KISS1: variants seen among roughly 807,000 people sequenced by gnomAD.
KISS1 encodes the protein KiSS-1 metastasis suppressor.
For synonymous variants in KISS1, 97 were observed against 88.7 expected, an observed-to-expected ratio of 1.09 and a Z score of -0.52; for missense variants, 182 against 182.7, an observed-to-expected ratio of 1.00 and a Z score of 0.02.
chr1:204,195,207 A>ACACC (rs1658818021), intron 1 of KISS1, among the ~76,000 whole-genome samples: 1 of 150,100 alleles, frequency 6.7e-6, no homozygotes, highest in African/African-American at 2.5e-5. Flanking sequence ...CCACACACAT[A>ACACC]TATACGCACA....
intron 1 of KISS1, among the ~76,000 whole-genome samples, chr1:204,193,566 C>T (rs78717544): frequency 6.6e-6 from 1 of 152,162 alleles, no homozygotes; most frequent in Non-Finnish European, 1.5e-5. Context: ...TCATCTTGCT[C>T]TCTCTCATAG....
Position 204,190,409 on chromosome 1 carries a change from T to TTGGGCCCCCCCCCCCCCCCCC in KISS1, c.*74_*75insGGGGGGGGGGGGGGGGGCCCA. 1 of 570,142 alleles carries TTGGGCCCCCCCCCCCCCCCCC rather than the reference T, an allele frequency of 1.8e-6. No individual in the cohort carries two copies. 35.3% of individuals were successfully genotyped at this position (570,142 alleles called of 1,614,324 possible). ...CAGCGCCCCCTCCCTTAGCCCTACGTCCCCGCCCCCCGCCCCCGCCCCGCA... is the reference window on the plus strand; with the variant it reads ...CAGCGCCCCCTCCCTTAGCCCTACGTTGGGCCCCCCCCCCCCCCCCCCCCCGCCCCCCGCCCCCGCCCCGCA... On this transcript the variant is annotated 3_prime_UTR_variant, in exon 3 of 3. Coordinates refer to ENST00000367194, the MANE Select transcript of KISS1 (RefSeq NM_002256.4).
chr1:204,192,496 G>A lies in KISS1; in HGVS notation c.103+278C>T, dbSNP rs1486845504. Among the ~76,000 whole-genome samples, 2 of 151,910 alleles carry A rather than the reference G, an allele frequency of 1.3e-5. No individual in the cohort carries two copies. Among genetic ancestry groups the A allele is most frequent in the African/African-American group, 2.4e-5 (1 of 41,328 alleles). ...ACATCGGCACAGAGAGGTTGCTGAC[G>A]TAGAGCAGAGAACACAGTGTGAGGA... On this transcript the variant is annotated intron_variant, in intron 2 of 2. Coordinates refer to ENST00000367194, the MANE Select transcript of KISS1 (RefSeq NM_002256.4). The surrounding 1 kb of genome is among the most constrained non-coding windows in gnomAD (Gnocchi z 4.2).
intron 1 of KISS1, among the ~76,000 whole-genome samples, chr1:204,193,997 G>C (rs533061221): frequency 6.6e-6 from 1 of 152,304 alleles, no homozygotes; most frequent in Admixed American, 6.5e-5. Flanking sequence ...CCCTGGGGAA[G>C]GGGGACTGGG....
intron 1 of KISS1, among the ~76,000 whole-genome samples, chr1:204,193,474 C>T (rs1253042576): frequency 1.3e-5 from 2 of 152,128 alleles, no homozygotes; most frequent in African/African-American, 4.8e-5. Context: ...CATCCATACG[C>T]TTGAGTCTGA....
chr1:204,190,624 G>C lies in KISS1; in HGVS notation c.277C>G (p.Gln93Glu). ...QPGLSAPHSR[Q>E]IPAPQGAVLV... ...ACCGCGCCCTGGGGTGCGGGGATCT[G>C]GCGGCTGTGGGGGGCGGACAGGCCC... The change falls in exon 3 of 3, where the codon CAG becomes GAG. Residue 93 changes from glutamine (Q) to glutamate (E), a missense_variant. Gln to Glu is a conservative substitution (Grantham distance 29). Coordinates refer to ENST00000367194, the MANE Select transcript of KISS1 (RefSeq NM_002256.4). 6.3e-7 allele frequency: 1 copy of C among 1,585,704 alleles called. No individual in the cohort carries two copies. The highest frequency in any genetic ancestry group is 1.1e-5 in the South Asian group (1 of 87,580).
In KISS1 at chr1:204,190,431, C is replaced by CCCCCCA; in HGVS notation, c.*52_*53insTGGGGG. The CCCCCCA allele has an allele frequency of 2.7e-6, 3 of 1,130,800 alleles. No homozygotes were observed. The highest frequency in any genetic ancestry group is 1.3e-5 in the South Asian group (1 of 76,146). The allele number at this position is 1,130,800 out of a possible 1,614,324, so 70.0% of individuals were successfully genotyped here. A position where few individuals can be genotyped will look rare whatever the true frequency, so the allele number is the denominator to read the frequency against. On this transcript the variant is annotated 3_prime_UTR_variant, in exon 3 of 3. Transcript: ENST00000367194. ...ACGTCCCCGCCCCCCGCCCCCGCCC[C>CCCCCCA]GCATGCTCTGACTCCTTTGGGGTCT...
Position 204,190,409 on chromosome 1 carries a change from TCCC to T in KISS1, c.*72_*74del, listed in dbSNP as rs1553307861. 4.0e-5 allele frequency: 23 copies of T among 573,164 alleles called. No homozygotes were observed. The highest frequency in any genetic ancestry group is 9.6e-5 in the South Asian group (6 of 62,618). The allele number at this position is 573,164 out of a possible 1,614,324, so 35.5% of individuals were successfully genotyped here. A position where few individuals can be genotyped will look rare whatever the true frequency, so the allele number is the denominator to read the frequency against. ...CAGCGCCCCCTCCCTTAGCCCTACG[TCCC>T]CGCCCCCCGCCCCCGCCCCGCATGC... is the stretch of plus-strand genomic sequence containing the variant. On this transcript the variant is annotated 3_prime_UTR_variant, in exon 3 of 3. Transcript: ENST00000367194.
rs147720365 is a variant in KISS1, at chr1:204,191,774, C to G, written c.104-977G>C. On this transcript the variant is annotated intron_variant, in intron 2 of 2. Coordinates refer to ENST00000367194, the MANE Select transcript of KISS1 (RefSeq NM_002256.4). ...CCCTCAGCCCTTGCCCAGGGCCTGGCTGAGGTAGGAGGAGGATGGCTTCCT... is the reference window on the plus strand; with the variant it reads ...CCCTCAGCCCTTGCCCAGGGCCTGGGTGAGGTAGGAGGAGGATGGCTTCCT... Among the ~76,000 whole-genome samples, 320 of 152,334 alleles carry G rather than the reference C, an allele frequency of 2.1e-3. 5 individuals are homozygous for G. Among genetic ancestry groups the G allele is most frequent in the African/African-American group, 7.3e-3 (304 of 41,578 alleles).
chr1:204,196,309 C>G (rs1260763401), intron 1 of KISS1, 67 bp downstream of exon 1: 1 of 152,420 alleles, frequency 6.6e-6, no homozygotes, highest in Non-Finnish European at 1.5e-5. Flanking sequence ...ATTCCCTGCT[C>G]CCCTCCAGAG....
At chr1:204,193,320 AG>A (rs1471827225) in intron 1 of KISS1, among the ~76,000 whole-genome samples, 1 of 151,974 alleles carries the variant, frequency 6.6e-6, no homozygotes, top group Non-Finnish European at 1.5e-5. Context: ...GTGACTGGGG[AG>A]GGGTGAAGTA....
intron 1 of KISS1, among the ~76,000 whole-genome samples, chr1:204,193,981 C>T (rs1658793228): frequency 6.6e-6 from 1 of 152,194 alleles, no homozygotes; most frequent in Non-Finnish European, 1.5e-5. Context: ...AGCCTGGAGC[C>T]GCTCTCCCTG....
At chr1:204,195,715 TCACACACACACACACA>T (rs36226771) in intron 1 of KISS1, among the ~76,000 whole-genome samples, 17 of 144,936 alleles carry the variant, frequency 1.2e-4, no homozygotes, top group East Asian at 4.2e-4. Context: ...TACACACATA[TCACACACACACACACA>T]CACACACACA....
intron 1 of KISS1, 97 bp from the exon 2 acceptor site, chr1:204,193,011 G>C (rs1558253985): frequency 1.4e-6 from 1 of 710,070 alleles, no homozygotes; most frequent in East Asian, 2.7e-5. Context: ...TCCTCCAAGA[G>C]AGGGGCAAGT....
Position 204,192,714 on chromosome 1 carries a change from A to G in KISS1, c.103+60T>C, listed in dbSNP as rs1658765688. 4 of 1,008,778 alleles carry G rather than the reference A, an allele frequency of 4.0e-6. No homozygotes were observed. Among genetic ancestry groups the G allele is most frequent in the Non-Finnish European group, 6.2e-6 (4 of 649,070 alleles). The allele number at this position is 1,008,778 out of a possible 1,614,324, so 62.5% of individuals were successfully genotyped here. A position where few individuals can be genotyped will look rare whatever the true frequency, so the allele number is the denominator to read the frequency against. On this transcript the variant is annotated intron_variant, in intron 2 of 2. Coordinates refer to ENST00000367194, the MANE Select transcript of KISS1 (RefSeq NM_002256.4). The surrounding 1 kb of genome is among the most constrained non-coding windows in gnomAD (Gnocchi z 4.2). The stretch of plus-strand genomic sequence containing the variant: ...AGTCGACTAGATGGAAAATACGGGA[A>G]AGCTCATTTTGCAACAACCCACTTG...
Position 204,190,410 on chromosome 1 carries a change from C to A in KISS1, c.*74G>T, listed in dbSNP as rs1132514. The A allele has an allele frequency of 6.8e-5, 30 of 440,274 alleles. No individual in the cohort carries two copies. The highest frequency in any genetic ancestry group is 4.2e-4 in the East Asian group (9 of 21,236). 27.3% of individuals were successfully genotyped at this position (440,274 alleles called of 1,614,324 possible). A position where few individuals can be genotyped will look rare whatever the true frequency, so the allele number is the denominator to read the frequency against. On this transcript the variant is annotated 3_prime_UTR_variant, in exon 3 of 3. Transcript: ENST00000367194. Reference sequence around the variant, plus strand: ...AGCGCCCCCTCCCTTAGCCCTACGTCCCCGCCCCCCGCCCCCGCCCCGCAT... The same window carrying A: ...AGCGCCCCCTCCCTTAGCCCTACGTACCCGCCCCCCGCCCCCGCCCCGCAT...
Position 204,190,771 on chromosome 1 carries a change from G to A in KISS1, c.130C>T (p.Leu44=), listed in dbSNP as rs915759012. ...GGCAGGCTCTGCTCCCCGGGGGCCAGGAGGCCCAGGGATTCTAGCTGCTGG... is the reference window on the plus strand; with the variant it reads ...GGCAGGCTCTGCTCCCCGGGGGCCAAGAGGCCCAGGGATTCTAGCTGCTGG... ...TGQQLESLGL[L]APGEQSLPCT... is the part of the protein sequence containing the mutation. The change falls in exon 3 of 3, where the codon CTG becomes TTG. Residue 44 remains leucine, a synonymous_variant. Transcript: ENST00000367194. 17 of 1,611,636 alleles carry A rather than the reference G, an allele frequency of 1.1e-5. No individual in the cohort carries two copies. In the African/African-American group the frequency reaches 1.7e-4, roughly 16 times the overall value.
At chr1:204,195,053 C>T (rs1480367562) in intron 1 of KISS1, among the ~76,000 whole-genome samples, 1 of 151,640 alleles carries the variant, frequency 6.6e-6, no homozygotes, top group Non-Finnish European at 1.5e-5. Context: ...CTTCCGGCTC[C>T]CCTTTCCCCC....
At chr1:204,190,883 T>C (rs1658732452) in intron 2 of KISS1, 86 bp from the exon 3 acceptor site, 4 of 1,193,556 alleles carry the variant, frequency 3.4e-6, no homozygotes, top group Non-Finnish European at 3.6e-6. Flanking sequence ...CTATCCTTCT[T>C]TTCCTTCCTT....
Sources: allele counts gnomAD v4.1 joint callset (sites outside exome capture counted in the v4.1 genomes callset), GRCh38; gene constraint gnomAD v4.1.1; non-coding constraint Gnocchi (gnomAD v3.1); transcripts MANE v1.5; gene names NCBI Gene and HGNC (gene_info 2026-07-23, HGNC 2026-07-21).